IL1RL2: variants seen among roughly 807,000 people sequenced by gnomAD.
The protein encoded by IL1RL2 is interleukin-1 receptor-like 2.
Under a neutral mutation model 66.8 loss-of-function variants are expected in IL1RL2, and 68 were observed. The observed-to-expected ratio is 1.02, with a 90% CI of 0.84 to 1.25. The LOEUF is 1.25. IL1RL2 is among the 50% of genes most tolerant of loss of function. The pLI, the probability that IL1RL2 is intolerant of heterozygous loss-of-function variation, is 0.00. For missense variants in IL1RL2, 729 were observed against 709.3 expected (o/e 1.03, Z -0.32); for synonymous variants, 305 against 264.6 (o/e 1.15, Z -1.48).
intron 9 of IL1RL2, among the ~76,000 whole-genome samples, chr2:102,227,083 GT>G (rs1226729570): frequency 1.3e-5 from 2 of 152,058 alleles, no homozygotes; most frequent in East Asian, 3.9e-4. Context: ...TGCTACTTTT[GT>G]TTTGTTTTGT....
chr2:102,195,296 CTTGT>C (rs918497111), intron 4 of IL1RL2, among the ~76,000 whole-genome samples: 9 of 152,178 alleles, frequency 5.9e-5, no homozygotes, highest in African/African-American at 2.2e-4. Flanking sequence ...CTTTCTGTGA[CTTGT>C]TTAAGAATCT....
In IL1RL2 at chr2:102,235,247, C is replaced by T; in HGVS notation, c.1648C>T (p.Leu550=). Reference sequence around the variant, plus strand: ...TCGGCCGTTTCCTCCGGTCCAGCTGCTGCAGCACACACCTTGCTACCGCAC... The same window carrying T: ...TCGGCCGTTTCCTCCGGTCCAGCTGTTGCAGCACACACCTTGCTACCGCAC... The part of the protein sequence containing the change: ...RCRPFPPVQL[L]QHTPCYRTAG... The change falls in exon 11 of 12, where the codon CTG becomes TTG. Residue 550 remains leucine, a synonymous_variant. Transcript: ENST00000264257. 1.2e-6 allele frequency: 2 copies of T among 1,613,994 alleles called. No homozygotes were observed. The highest frequency in any genetic ancestry group is 1.7e-6 in the Non-Finnish European group (2 of 1,180,036).
downstream of IL1RL2, among the ~76,000 whole-genome samples, chr2:102,240,358 CTCCT>C (rs1675194319): frequency 7.3e-6 from 1 of 136,654 alleles, no homozygotes; most frequent in Non-Finnish European, 1.5e-5. Context: ...TCTTCTTCTC[CTCCT>C]TTTTTTTTTT....
intron 5 of IL1RL2, among the ~76,000 whole-genome samples, chr2:102,203,886 G>A (rs1006175862): frequency 4.6e-5 from 7 of 151,288 alleles, no homozygotes; most frequent in Admixed American, 3.9e-4. Flanking sequence ...GATCTTCTGT[G>A]TTTTTTTCAT....
intron 8 of IL1RL2, among the ~76,000 whole-genome samples, chr2:102,221,506 C>G (rs1690126961): frequency 6.6e-6 from 1 of 152,124 alleles, no homozygotes; most frequent in South Asian, 2.1e-4. Context: ...TAGTGGGACT[C>G]CTGTATCTTC....
chr2:102,233,141 G>A lies in IL1RL2; in HGVS notation c.1297+17G>A. 6.3e-7 allele frequency: 1 copy of A among 1,574,836 alleles called. No individual in the cohort carries two copies. Among genetic ancestry groups the A allele is most frequent in the East Asian group, 2.3e-5 (1 of 42,784 alleles). Reference sequence around the variant, plus strand: ...CTGGACAAGGTGGGTTTTAAGTGAGGTGTAAAAATAACAAATAAAAGAAGG... The same window carrying A: ...CTGGACAAGGTGGGTTTTAAGTGAGATGTAAAAATAACAAATAAAAGAAGG... On this transcript the variant is annotated intron_variant, in intron 10 of 11. Transcript: ENST00000264257.
At chr2:102,211,079 T>C (rs141097102) in intron 5 of IL1RL2, among the ~76,000 whole-genome samples, 52 of 152,302 alleles carry the variant, frequency 3.4e-4, no homozygotes, top group African/African-American at 1.2e-3. Flanking sequence ...GTGTGTGATC[T>C]AGTGGGTGAT....
chr2:102,200,040 C>T (rs1688113733), intron 4 of IL1RL2, among the ~76,000 whole-genome samples: 1 of 150,840 alleles, frequency 6.6e-6, no homozygotes, highest in Admixed American at 6.6e-5. Flanking sequence ...ACCTGTAGTC[C>T]CAGCTACTCG....
intron 4 of IL1RL2, among the ~76,000 whole-genome samples, chr2:102,193,577 C>A (rs575530459): frequency 6.6e-6 from 1 of 152,148 alleles, no homozygotes; most frequent in Non-Finnish European, 1.5e-5. Flanking sequence ...GTCTCGAACT[C>A]CTGGCCTCAA....
At chr2:102,206,763 G>A (rs1688739170) in intron 5 of IL1RL2, among the ~76,000 whole-genome samples, 1 of 152,204 alleles carries the variant, frequency 6.6e-6, no homozygotes, top group Non-Finnish European at 1.5e-5. Context: ...AGGCCCTGGT[G>A]CTCTACAATC....
intron 4 of IL1RL2, among the ~76,000 whole-genome samples, chr2:102,197,455 T>C (rs1882513): frequency 0.27 from 40,535 of 152,106 alleles, 6,356 homozygotes; most frequent in East Asian, 0.38. Flanking sequence ...CCAGTTAAGA[T>C]AGAAAAGTGA....
intron 3 of IL1RL2, among the ~76,000 whole-genome samples, chr2:102,189,971 T>C (rs1169020640): frequency 1.3e-5 from 2 of 152,178 alleles, no homozygotes; most frequent in East Asian, 1.9e-4. Flanking sequence ...TTTCTTGAAA[T>C]GCCAAAAGTT....
chr2:102,206,807 T>A (rs1688743446), intron 5 of IL1RL2, among the ~76,000 whole-genome samples: 1 of 152,208 alleles, frequency 6.6e-6, no homozygotes, highest in Non-Finnish European at 1.5e-5. Flanking sequence ...CCTGTGTCCC[T>A]CCCATCATGG....
chr2:102,189,454 A>G (rs1687033662), intron 3 of IL1RL2, 144 bp downstream of exon 3: 1 of 615,484 alleles, frequency 1.6e-6, no homozygotes, highest in African/African-American at 1.8e-5. Context: ...TTTCCAGTGA[A>G]CACATTTTTA....
At chr2:102,242,269 T>C (rs1675249605), downstream of IL1RL2, among the ~76,000 whole-genome samples, 1 of 152,250 alleles carries the variant, frequency 6.6e-6, no homozygotes. Context: ...CCTTTTGGTG[T>C]ATATATGAAT....
At chr2:102,199,606 A>T (rs560717724) in intron 4 of IL1RL2, among the ~76,000 whole-genome samples, 1 of 152,354 alleles carries the variant, frequency 6.6e-6, no homozygotes, top group Admixed American at 6.5e-5. Flanking sequence ...GAGAGTTTAA[A>T]CTTTGAAATA....
At chr2:102,187,443 G>A in intron 1 of IL1RL2, 1 of 1,026,578 alleles carries the variant, frequency 9.7e-7, no homozygotes, top group Non-Finnish European at 1.2e-6. Flanking sequence ...CGCAGGGGAG[G>A]CTCCGTGCGC....
Position 102,209,368 on chromosome 2 carries a change from C to T in IL1RL2, c.650-2732C>T, listed in dbSNP as rs571097962. Reference sequence around the variant, plus strand: ...GAATAAGAAGGGTCCGTGGGTGGCACGCAAATGGTCTGGGAAGGCTTCCAA... The same window carrying T: ...GAATAAGAAGGGTCCGTGGGTGGCATGCAAATGGTCTGGGAAGGCTTCCAA... On this transcript the variant is annotated intron_variant, in intron 5 of 11. Coordinates refer to ENST00000264257, the MANE Select transcript of IL1RL2 (RefSeq NM_003854.4). 7.9e-5 allele frequency among the ~76,000 whole-genome samples: 12 copies of T among 152,016 alleles called. No homozygotes were observed. The East Asian group carries it at 9.7e-4, about 12-fold the overall frequency.
At chr2:102,203,698 G>A (rs1375532508) in intron 5 of IL1RL2, among the ~76,000 whole-genome samples, 1 of 151,948 alleles carries the variant, frequency 6.6e-6, no homozygotes, top group African/African-American at 2.4e-5. Flanking sequence ...CTATTCATTG[G>A]CATACAGTTG....
Sources: gnomAD v4.1 joint callset for allele counts (sites outside exome capture counted in the v4.1 genomes callset) on GRCh38, gnomAD v4.1.1 for gene constraint, MANE v1.5 for transcripts, NCBI Gene and HGNC (gene_info 2026-07-23, HGNC 2026-07-21) for gene names.